IYD: variants seen among roughly 807,000 people sequenced by gnomAD.
The protein encoded by IYD is iodotyrosine deiodinase 1.
IYD carries 25 observed loss-of-function variants against 28.4 expected under a neutral mutation model. The observed-to-expected ratio is 0.88, with a 90% CI of 0.64 to 1.23. IYD has a LOEUF of 1.23. IYD is among the 50% of genes most tolerant of loss of function. The pLI is 0.00. For missense variants in IYD, 352 were observed against 357.9 expected, an observed-to-expected ratio of 0.98 and a Z score of 0.13; for synonymous variants, 140 against 130.8, an observed-to-expected ratio of 1.07 and a Z score of -0.48.
chr6:150,387,087 C>T (rs975283431), intron 1 of IYD, among the ~76,000 whole-genome samples: 1 of 152,042 alleles, frequency 6.6e-6, no homozygotes, highest in Non-Finnish European at 1.5e-5. Flanking sequence ...TACTAGGCCT[C>T]AGAGTAAAAA....
At chr6:150,382,701 T>G (rs773449733) in intron 1 of IYD, among the ~76,000 whole-genome samples, 5 of 152,234 alleles carry the variant, frequency 3.3e-5, no homozygotes, top group South Asian at 4.1e-4. Flanking sequence ...TATCTTCCTA[T>G]TGATTCATTT....
chr6:150,393,676 T>C (rs912675171), intron 3 of IYD, among the ~76,000 whole-genome samples: 2 of 152,236 alleles, frequency 1.3e-5, no homozygotes, highest in Admixed American at 1.3e-4. Context: ...AATTCAGTTC[T>C]GCATTTACAC....
chr6:150,396,393 TA>T (rs1778311838), intron 4 of IYD: 1 of 638,686 alleles, frequency 1.6e-6, no homozygotes, highest in African/African-American at 1.9e-5. Flanking sequence ...GAGTGAAAGA[TA>T]AAATAATAAT....
In IYD at chr6:150,405,945, T is replaced by G. The variant is rs1778626957; in HGVS notation, c.*7708T>G. The G allele has an allele frequency of 6.6e-6, 1 of 152,228 alleles. No homozygotes were observed. The highest frequency in any genetic ancestry group is 1.9e-4 in the East Asian group (1 of 5,198). 9.4% of individuals were successfully genotyped at this position (152,228 alleles called of 1,614,324 possible). On this transcript the variant is annotated 3_prime_UTR_variant, in exon 5 of 5. Transcript: ENST00000344419. ...AGGAAAAGCATGCTGCCTGCTGCTG[T>G]GAATAATAACATATCTTGCTCTGAC...
intron 1 of IYD, among the ~76,000 whole-genome samples, chr6:150,376,900 G>T (rs1032808058): frequency 6.6e-6 from 1 of 152,128 alleles, no homozygotes; most frequent in Non-Finnish European, 1.5e-5. Context: ...GAGATTACAG[G>T]CATGAGCCAC....
At chr6:150,393,678 C>T (rs1332851985) in intron 3 of IYD, among the ~76,000 whole-genome samples, 6 of 152,210 alleles carry the variant, frequency 3.9e-5, no homozygotes, top group Non-Finnish European at 7.3e-5. Context: ...TTCAGTTCTG[C>T]ATTTACACCT....
Position 150,398,067 on chromosome 6 carries a change from G to A in IYD, c.700G>A (p.Val234Met), listed in dbSNP as rs778906350. Residue 234 changes from valine to methionine, a missense_variant, in exon 5 of 5, where the codon GTG becomes ATG. Coordinates refer to ENST00000344419, the MANE Select transcript of IYD (RefSeq NM_203395.3). ...CCTCTTATTTTAGAATGCAGGTCTG[G>A]TGACTGTCACTACCACTCCTCTCAA... ...LLAALQNAGL[V>M]TVTTTPLNCG... 1.9e-6 allele frequency: 3 copies of A among 1,614,016 alleles called. No individual in the cohort carries two copies. The highest frequency in any genetic ancestry group is 1.7e-5 in the Admixed American group (1 of 59,998).
rs1778609042 is a variant in IYD at position 150,405,080 on chromosome 6, A to T, written c.*6843A>T. On this transcript the variant is annotated 3_prime_UTR_variant, in exon 5 of 5. Transcript: ENST00000344419. ...TCTAGTCATAAAATTTTAGAATGCA[A>T]GATCTGAAAGGGACATGGGAATCTG... 6.6e-6 allele frequency: 1 copy of T among 152,244 alleles called. No individual in the cohort carries two copies. Among genetic ancestry groups the T allele is most frequent in the Admixed American group, 6.5e-5 (1 of 15,284 alleles). 9.4% of individuals were successfully genotyped at this position (152,244 alleles called of 1,614,324 possible).
chr6:150,390,265 C>A (rs1352605289), intron 2 of IYD, among the ~76,000 whole-genome samples: 1 of 152,176 alleles, frequency 6.6e-6, no homozygotes, highest in Non-Finnish European at 1.5e-5. Flanking sequence ...TACTTTACTT[C>A]AGTTAGAAAT....
At position 150,402,777 on chromosome 6, in the gene IYD, A is replaced by C. The variant is rs1362628475; in HGVS notation, c.*4540A>C. The C allele has an allele frequency of 6.6e-6, 1 of 152,212 alleles. No homozygotes were observed. The highest frequency in any genetic ancestry group is 1.9e-4 in the East Asian group (1 of 5,200). The allele number at this position is 152,212 out of a possible 1,614,324, so 9.4% of individuals were successfully genotyped here. A position where few individuals can be genotyped will look rare whatever the true frequency, so the allele number is the denominator to read the frequency against. ...ATCAAGGAGTACTGGAGGACAGTTC[A>C]GTATTTCTTCTTATTTGCTCCTCCC... is the stretch of plus-strand genomic sequence containing the variant. On this transcript the variant is annotated 3_prime_UTR_variant, in exon 5 of 5. Coordinates refer to ENST00000344419, the MANE Select transcript of IYD (RefSeq NM_203395.3).
chr6:150,396,801 G>A (rs920252441), intron 4 of IYD: 2 of 180,610 alleles, frequency 1.1e-5, no homozygotes, highest in African/African-American at 2.4e-5. Context: ...GTGAACCTGG[G>A]AGGCGGAGCT....
rs528901980 is a variant in IYD, at chr6:150,405,228, G to A, written c.*6991G>A. 6.6e-6 allele frequency: 1 copy of A among 152,154 alleles called. No individual in the cohort carries two copies. Among genetic ancestry groups the A allele is most frequent in the East Asian group, 1.9e-4 (1 of 5,184 alleles). 9.4% of individuals were successfully genotyped at this position (152,154 alleles called of 1,614,324 possible). A position where few individuals can be genotyped will look rare whatever the true frequency, so the allele number is the denominator to read the frequency against. ...ACCTTCCATCTGCCAGGCCCTCCCT[G>A]GTCTAGACCTTCAGCCTTGACCTTG... On this transcript the variant is annotated 3_prime_UTR_variant, in exon 5 of 5. Transcript: ENST00000344419.
chr6:150,403,026 C>T lies in IYD; in HGVS notation c.*4789C>T, dbSNP rs1325668645. On this transcript the variant is annotated 3_prime_UTR_variant, in exon 5 of 5. Coordinates refer to ENST00000344419, the MANE Select transcript of IYD (RefSeq NM_203395.3). ...CACTGCAGCCTCCAACTTCTGGACT[C>T]AAGTGATCCTCCCACCTTAGCTTCC... 1 of 152,206 alleles carries T rather than the reference C, an allele frequency of 6.6e-6. No individual in the cohort carries two copies. Among genetic ancestry groups the T allele is most frequent in the African/African-American group, 2.4e-5 (1 of 41,446 alleles). The allele number at this position is 152,206 out of a possible 1,614,324, so 9.4% of individuals were successfully genotyped here.
intron 1 of IYD, among the ~76,000 whole-genome samples, chr6:150,378,382 A>G (rs1777527178): frequency 6.7e-6 from 1 of 148,636 alleles, no homozygotes; most frequent in South Asian, 2.1e-4. Context: ...TCCTGTGTCC[A>G]TGTGTTCTCA....
At chr6:150,384,339 C>A (rs1777782081) in intron 1 of IYD, 1 of 152,170 alleles carries the variant, frequency 6.6e-6, no homozygotes, top group Non-Finnish European at 1.5e-5. Context: ...AGTGTTTACT[C>A]CATGGGCAGC....
intron 4 of IYD, chr6:150,395,790 C>T (rs1778290644): frequency 1.6e-6 from 1 of 636,538 alleles, no homozygotes; most frequent in Admixed American, 2.4e-5. Flanking sequence ...AGGTGGTGAT[C>T]TGATTGGAAA....
chr6:150,397,581 A>AAC (rs1301086744), intron 4 of IYD, among the ~76,000 whole-genome samples: 2 of 114,296 alleles, frequency 1.7e-5, no homozygotes, highest in Non-Finnish European at 3.2e-5. Context: ...AAAAAAAAAC[A>AAC]AAAAACAAAA....
At chr6:150,397,178 G>A (rs1031400539) in intron 4 of IYD, among the ~76,000 whole-genome samples, 2 of 152,076 alleles carry the variant, frequency 1.3e-5, no homozygotes, top group Admixed American at 6.6e-5. Context: ...ATATATATGG[G>A]TTCATAAATA....
chr6:150,399,366 A>C lies in IYD; in HGVS notation c.*1129A>C, dbSNP rs62432542. ...AGTGTCTCCCTTCTCTTCTACCCCA[A>C]CCCCTGAAACACACTGACCCCTATT... On this transcript the variant is annotated 3_prime_UTR_variant, in exon 5 of 5. Coordinates refer to ENST00000344419, the MANE Select transcript of IYD (RefSeq NM_203395.3). 24,746 of 152,020 alleles carry C rather than the reference A, an allele frequency of 0.16. 4,094 individuals are homozygous for C. The highest frequency in any genetic ancestry group is 0.41 in the African/African-American group (16,889 of 41,396). The allele number at this position is 152,020 out of a possible 1,614,324, so 9.4% of individuals were successfully genotyped here.
Sources: gnomAD v4.1 joint callset for allele counts (sites outside exome capture counted in the v4.1 genomes callset) on GRCh38, gnomAD v4.1.1 for gene constraint, MANE v1.5 for transcripts, NCBI Gene and HGNC (gene_info 2026-07-23, HGNC 2026-07-21) for gene names.